The following RIPK4 variants were observed in gnomAD, a reference collection of about 807,000 sequenced individuals.
The protein encoded by RIPK4 is receptor-interacting serine/threonine-protein kinase 4.
Under a neutral mutation model 42.9 loss-of-function variants are expected in RIPK4, and 17 were observed. The observed-to-expected ratio is 0.40, with a 90% CI of 0.27 to 0.59. RIPK4 has a LOEUF of 0.59. Ranked by LOEUF, RIPK4 falls within the 20% of genes least tolerant of loss-of-function variation. RIPK4 has a pLI of 0.47. For missense variants in RIPK4, 897 were observed against 1,104.4 expected, an observed-to-expected ratio of 0.81 and a Z score of 2.66; for synonymous variants, 498 against 499.1, an observed-to-expected ratio of 1.00 and a Z score of 0.03.
At chr21:41,746,207 A>G (rs768600668) in intron 5 of RIPK4, 2 of 612,754 alleles carry the variant, frequency 3.3e-6, no homozygotes, top group South Asian at 3.1e-5. Flanking sequence ...TTTCCATCTC[A>G]TCAGGGTGAC....
chr21:41,741,301 T>G lies in RIPK4; in HGVS notation c.1892A>C (p.Asn631Thr). ...TGTCTGTGCCAGCAGGCTGCAGACG[T>G]TGACGTCGGAGCACAGGTCGATGAG... Reference protein sequence around the residue: ...RILIDLCSDVNVCSLLAQTPL... With the variant: ...RILIDLCSDVTVCSLLAQTPL... Residue 631 changes from asparagine to threonine, a missense_variant, in exon 8 of 8, where the codon AAC becomes ACC. By Grantham distance (65) the Asn-to-Thr change is moderately conservative (BLOSUM62 0). Transcript: ENST00000332512. 1 of 1,608,300 alleles carries G rather than the reference T, an allele frequency of 6.2e-7. No individual in the cohort carries two copies. Among genetic ancestry groups the G allele is most frequent in the Non-Finnish European group, 8.5e-7 (1 of 1,179,660 alleles).
At chr21:41,757,579 C>T (rs1230616439) in intron 1 of RIPK4, among the ~76,000 whole-genome samples, 1 of 151,924 alleles carries the variant, frequency 6.6e-6, no homozygotes, top group Non-Finnish European at 1.5e-5. Flanking sequence ...CTCACCTTCT[C>T]CGTTTAAGCC....
intron 5 of RIPK4, chr21:41,746,199 T>C (rs955882263): frequency 4.9e-6 from 3 of 618,410 alleles, no homozygotes; most frequent in Admixed American, 2.1e-5. Flanking sequence ...TGCAGCAGTT[T>C]CCATCTCATC....
chr21:41,759,826 A>C (rs1354107322), intron 1 of RIPK4, among the ~76,000 whole-genome samples: 2 of 152,226 alleles, frequency 1.3e-5, no homozygotes, highest in Non-Finnish European at 2.9e-5. Flanking sequence ...TCCCTGCAGG[A>C]AAGGCCAGCA....
At chr21:41,749,260 C>T in intron 3 of RIPK4, 57 bp from the exon 4 acceptor site, 1 of 1,560,950 alleles carries the variant, frequency 6.4e-7, no homozygotes, top group South Asian at 1.1e-5. Flanking sequence ...AAGCCAAATG[C>T]ACTCATGCAC....
In RIPK4 at chr21:41,740,713, AC is replaced by A. The variant is rs1431781595; in HGVS notation, c.*124del. The A allele has an allele frequency of 2.1e-6, 2 of 959,942 alleles. No homozygotes were observed. Among genetic ancestry groups the A allele is most frequent in the Non-Finnish European group, 3.0e-6 (2 of 666,254 alleles). 59.5% of individuals were successfully genotyped at this position (959,942 alleles called of 1,614,324 possible). On this transcript the variant is annotated 3_prime_UTR_variant, in exon 8 of 8. Transcript: ENST00000332512. ...AGCCGCCTCCTGATGGCACCATGTC[AC>A]CTCTGCTTGGTTAACATTTAGGTAA...
At chr21:41,764,304 G>C (rs1219399697) in intron 1 of RIPK4, among the ~76,000 whole-genome samples, 1 of 152,204 alleles carries the variant, frequency 6.6e-6, no homozygotes, top group African/African-American at 2.4e-5. Context: ...GGAGACCCCA[G>C]ACCACCTTGA....
chr21:41,756,884 G>C (rs901012100), intron 1 of RIPK4, 68 bp from the exon 2 acceptor site: 1 of 1,531,494 alleles, frequency 6.5e-7, no homozygotes, highest in African/African-American at 1.4e-5. Context: ...ACAGCACCCT[G>C]GCCAGAAGAC....
intron 6 of RIPK4, among the ~76,000 whole-genome samples, chr21:41,744,364 C>T (rs1408404200): frequency 6.6e-6 from 1 of 151,170 alleles, no homozygotes; most frequent in African/African-American, 2.4e-5. Context: ...CGCCGCGGAG[C>T]TCAGACCCCG....
chr21:41,760,021 A>G (rs138028870), intron 1 of RIPK4, among the ~76,000 whole-genome samples: 1 of 152,308 alleles, frequency 6.6e-6, no homozygotes, highest in African/African-American at 2.4e-5. Context: ...CCCAAGAAAC[A>G]CTGGGCAATG....
At chr21:41,750,904 C>A (rs2061186418) in intron 3 of RIPK4, among the ~76,000 whole-genome samples, 193 bp downstream of exon 3, 1 of 152,210 alleles carries the variant, frequency 6.6e-6, no homozygotes, top group Non-Finnish European at 1.5e-5. Flanking sequence ...TCTCAAACTC[C>A]TGGGCTCAAG....
intron 2 of RIPK4, among the ~76,000 whole-genome samples, chr21:41,752,500 C>A (rs191866671): frequency 2.8e-4 from 42 of 152,302 alleles, no homozygotes; most frequent in African/African-American, 9.4e-4. Context: ...CAGGACAAGG[C>A]CTCGACTCCA....
At chr21:41,764,583 G>A (rs900039819) in intron 1 of RIPK4, among the ~76,000 whole-genome samples, 1 of 152,150 alleles carries the variant, frequency 6.6e-6, no homozygotes, top group Non-Finnish European at 1.5e-5. Flanking sequence ...GAGGGGCTGG[G>A]GTGGGAGGCA....
Position 41,740,777 on chromosome 21 carries a change from A to C in RIPK4, c.*61T>G, listed in dbSNP as rs915660508. 6.7e-7 allele frequency: 1 copy of C among 1,485,354 alleles called. No homozygotes were observed. The allele number at this position is 1,485,354 out of a possible 1,614,324, so 92.0% of individuals were successfully genotyped here. On this transcript the variant is annotated 3_prime_UTR_variant, in exon 8 of 8. Transcript: ENST00000332512. ...CCCCACGCAGGATCGTTCCATCCCC[A>C]CGAGGAACACAGGACAGGACAAGAG...
At position 41,742,065 on chromosome 21, in the gene RIPK4, C is replaced by CCTGG; in HGVS notation, c.1196-72_1196-69dup. The CCTGG allele has an allele frequency of 7.0e-7, 1 of 1,421,252 alleles. No homozygotes were observed. The highest frequency in any genetic ancestry group is 9.5e-7 in the Non-Finnish European group (1 of 1,050,296). 88.0% of individuals were successfully genotyped at this position (1,421,252 alleles called of 1,614,324 possible). On this transcript the variant is annotated intron_variant, in intron 7 of 7. Coordinates refer to ENST00000332512, the MANE Select transcript of RIPK4 (RefSeq NM_020639.3). This position sits in a 1 kb window ranked among gnomAD's most constrained non-coding sequence, Gnocchi z 5.1. ...TCCAGGGACGTGGCGTCTCTGGGAG[C>CCTGG]CTGGCTGTGGCGCTCAGGTGGAGGA...
rs2061187226 is a variant in RIPK4 at position 41,751,139 on chromosome 21, C to T, written c.581G>A (p.Arg194Lys). 6.2e-7 allele frequency: 1 copy of T among 1,614,232 alleles called. No homozygotes were observed. The highest frequency in any genetic ancestry group is 8.5e-7 in the Non-Finnish European group (1 of 1,180,032). ...GGTGTCGAAGAGCCGGCTCTTCTCC[C>T]TGATGCGCTCTGGAGGGAGGTAGGC... ...TIAYLPPERI[R>K]EKSRLFDTKH... Residue 194 changes from arginine to lysine, a missense_variant, in exon 3 of 8, where the codon AGG becomes AAG. Arg to Lys is a conservative substitution (Grantham distance 26). Coordinates refer to ENST00000332512, the MANE Select transcript of RIPK4 (RefSeq NM_020639.3). The surrounding 1 kb of genome is among the most constrained non-coding windows in gnomAD (Gnocchi z 4.5).
intron 3 of RIPK4, among the ~76,000 whole-genome samples, chr21:41,749,723 T>A: frequency 1.3e-5 from 2 of 151,152 alleles, no homozygotes; most frequent in African/African-American, 2.4e-5. Flanking sequence ...TCACTGAGAG[T>A]TCATCATTAG....
Position 41,755,247 on chromosome 21 carries a change from A to T in RIPK4, c.474+1278T>A, listed in dbSNP as rs1263647396. On this transcript the variant is annotated intron_variant, in intron 2 of 7. Coordinates refer to ENST00000332512, the MANE Select transcript of RIPK4 (RefSeq NM_020639.3). The surrounding 1 kb of genome is among the most constrained non-coding windows in gnomAD (Gnocchi z 4.2). ...AAGTCATTTGATTTTTGTCTCCATT[A>T]TCTCAATTTCCTACTTCACTTCGCA... is the stretch of plus-strand genomic sequence containing the variant. 6.6e-6 allele frequency among the ~76,000 whole-genome samples: 1 copy of T among 152,212 alleles called. No homozygotes were observed. The highest frequency in any genetic ancestry group is 6.5e-5 in the Admixed American group (1 of 15,286).
chr21:41,745,908 C>T (rs759917298), intron 5 of RIPK4, 46 bp from the exon 6 acceptor site: 18 of 1,403,188 alleles, frequency 1.3e-5, no homozygotes, highest in Admixed American at 8.4e-5. Flanking sequence ...ATGACTTCTG[C>T]GTACACACGC....
Sources: gnomAD v4.1 joint callset for allele counts (sites outside exome capture counted in the v4.1 genomes callset) on GRCh38, gnomAD v4.1.1 for gene constraint, Gnocchi (gnomAD v3.1) non-coding constraint, MANE v1.5 for transcripts, NCBI Gene and HGNC (gene_info 2026-07-23, HGNC 2026-07-21) for gene names.